The following ACSL6 variants were observed in gnomAD, a reference collection of about 807,000 sequenced individuals.
ACSL6 encodes the protein acyl-CoA synthetase long chain family member 6.
Under a neutral mutation model 98.2 loss-of-function variants are expected in ACSL6, and 47 were observed. The ratio of observed to expected loss-of-function variants is 0.48; its 90% CI spans 0.38 to 0.61. ACSL6 has a LOEUF of 0.61. Ranked by LOEUF, ACSL6 falls within the 20% of genes least tolerant of loss-of-function variation. The pLI, the probability that ACSL6 is intolerant of heterozygous loss-of-function variation, is 0.00. For missense variants in ACSL6, 761 were observed against 913.4 expected (o/e 0.83, Z 2.15); for synonymous variants, 362 against 336.9 (o/e 1.07, Z -0.82).
intron 2 of ACSL6, among the ~76,000 whole-genome samples, chr5:131,992,282 G>A (rs1414691778): frequency 6.6e-6 from 1 of 152,214 alleles, no homozygotes; most frequent in East Asian, 1.9e-4. Flanking sequence ...CTGGACTTGA[G>A]GTTGAGGGTA....
At chr5:131,988,999 C>T in intron 5 of ACSL6, 95 bp from the exon 6 acceptor site, 1 of 1,111,626 alleles carries the variant, frequency 9.0e-7, no homozygotes, top group East Asian at 2.4e-5. Context: ...TGCTCTAAGC[C>T]CTATGCCTGT....
At chr5:132,003,228 G>A (rs998393336) in intron 1 of ACSL6, among the ~76,000 whole-genome samples, 2 of 152,210 alleles carry the variant, frequency 1.3e-5, no homozygotes, top group African/African-American at 4.8e-5. Flanking sequence ...ATTTCCTCCA[G>A]TTTAGCAAAA....
In ACSL6 at chr5:131,990,856, A is replaced by G; in HGVS notation, c.382T>C (p.Ser128Pro). Residue 128 changes from serine to proline, a missense_variant, in exon 3 of 21, where the codon TCA becomes CCA. By Grantham distance (74) the Ser-to-Pro change is moderately conservative. Transcript: ENST00000651883. ...YQVFRRGLSISGNGPCLGFRK... is the reference protein window; with the variant it reads ...YQVFRRGLSIPGNGPCLGFRK... The stretch of plus-strand genomic sequence containing the variant: ...CCCCCCCCACAACCCTTCTCACCTG[A>G]GATGCTAAGCCCACGGCGGAACACC... The G allele has an allele frequency of 5.0e-6, 8 of 1,607,580 alleles. No individual in the cohort carries two copies. The highest frequency in any genetic ancestry group is 6.0e-6 in the Non-Finnish European group (7 of 1,175,272).
chr5:131,994,934 C>T (rs1307505329), intron 1 of ACSL6, among the ~76,000 whole-genome samples: 2 of 152,236 alleles, frequency 1.3e-5, no homozygotes, highest in Admixed American at 6.5e-5. Flanking sequence ...GGGCCCTGTG[C>T]TATCCTCCCT....
intron 8 of ACSL6, among the ~76,000 whole-genome samples, 168 bp downstream of exon 8, chr5:131,986,654 G>C (rs1324983592): frequency 6.6e-6 from 1 of 152,092 alleles, no homozygotes; most frequent in Non-Finnish European, 1.5e-5. Flanking sequence ...CCTTCCCTGG[G>C]CCCTCGGCCC....
upstream of ACSL6, chr5:132,011,875 G>A (rs1388929257): frequency 1.3e-6 from 2 of 1,531,058 alleles, no homozygotes; most frequent in Non-Finnish European, 1.8e-6. This position sits in a 1 kb window ranked among gnomAD's most constrained non-coding sequence, Gnocchi z 5.4. Context: ...GCCGCAGAGC[G>A]AACCAGCCCT....
upstream of ACSL6, chr5:132,012,017 C>G (rs987313503): frequency 2.8e-6 from 4 of 1,436,458 alleles, no homozygotes; most frequent in African/African-American, 5.8e-5. Context: ...AACACGCGAC[C>G]CTGCCCCCGC....
Position 131,958,451 on chromosome 5 carries a change from A to G in ACSL6, c.2031+1085T>C, listed in dbSNP as rs150036375. 1.0e-3 allele frequency among the ~76,000 whole-genome samples: 158 copies of G among 152,362 alleles called. 1 individual carries two copies. Among genetic ancestry groups the G allele is most frequent in the African/African-American group, 3.6e-3 (151 of 41,592 alleles). ...TTTGTCTTTTAGAAAGATAAATGTA[A>G]CTTGCCTGAATGCCTCAGATTCCAT... On this transcript the variant is annotated intron_variant, in intron 20 of 20. Transcript: ENST00000651883.
At position 131,988,757 on chromosome 5, in the gene ACSL6, G is replaced by C. The variant is rs370182586; in HGVS notation, c.652+48C>G. On this transcript the variant is annotated intron_variant, in intron 6 of 20. Transcript: ENST00000651883. ...ATAACCTGAGAAGCTGGAGGCTGGA[G>C]GCTGGGGACCAGTTGCCAGTGGCAG... 18 of 1,593,624 alleles carry C rather than the reference G, an allele frequency of 1.1e-5. No homozygotes were observed. The African/African-American group carries it at 2.1e-4, about 19-fold the overall frequency.
chr5:131,968,255 T>G, intron 15 of ACSL6: 1 of 490,488 alleles, frequency 2.0e-6, no homozygotes, highest in Non-Finnish European at 3.7e-6. Context: ...ATCCGATTCT[T>G]AATAAGCAGG....
intron 9 of ACSL6, chr5:131,983,267 T>A (rs554447796): frequency 6.6e-6 from 1 of 152,266 alleles, no homozygotes; most frequent in East Asian, 1.9e-4. Context: ...TGCCCACCCC[T>A]CAGCCATCAC....
intron 17 of ACSL6, among the ~76,000 whole-genome samples, chr5:131,964,657 G>C (rs1752912864): frequency 6.6e-6 from 1 of 152,210 alleles, no homozygotes; most frequent in South Asian, 2.1e-4. Flanking sequence ...GAAGTGCAGG[G>C]CCTTGGAAGG....
upstream of ACSL6, chr5:132,011,722 G>A: frequency 1.6e-6 from 2 of 1,275,148 alleles, no homozygotes; most frequent in South Asian, 3.4e-5. This position sits in a 1 kb window ranked among gnomAD's most constrained non-coding sequence, Gnocchi z 5.4. Flanking sequence ...CCGCTGCGGA[G>A]ACGGCTCAAG....
chr5:131,956,279 C>G (rs1236335367), intron 20 of ACSL6, among the ~76,000 whole-genome samples: 1 of 152,146 alleles, frequency 6.6e-6, no homozygotes, highest in East Asian at 1.9e-4. Context: ...ACATTATGAT[C>G]TTAGGAAGAA....
At chr5:131,985,502 G>A (rs774420568) in intron 8 of ACSL6, 44 bp from the exon 9 acceptor site, 128 of 1,607,716 alleles carry the variant, frequency 8.0e-5, no homozygotes, top group South Asian at 1.9e-4. Context: ...ACCCAGTGTG[G>A]CCAGCCAGGG....
chr5:131,970,122 T>A lies in ACSL6; in HGVS notation c.1507+6A>T, dbSNP rs770871461. The A allele has an allele frequency of 1.2e-6, 2 of 1,614,078 alleles. No homozygotes were observed. Among genetic ancestry groups the A allele is most frequent in the Non-Finnish European group, 1.7e-6 (2 of 1,179,968 alleles). Reference sequence around the variant, plus strand: ...GAGCCAGTCCTATATCTCTAGCCCATCCTACCTGAGGTCCAGTCGCCAGGA... The same window carrying A: ...GAGCCAGTCCTATATCTCTAGCCCAACCTACCTGAGGTCCAGTCGCCAGGA... On this transcript the variant is annotated splice_donor_region_variant and intron_variant, in intron 15 of 20. Transcript: ENST00000651883.
In ACSL6 at chr5:131,971,665, C is replaced by A. The variant is rs181615066; in HGVS notation, c.1339-20G>T. ...ACTGGCCTGTGGGAAGAAAGAAGAG[C>A]TGCCAAATTTTGTGATGTCTGAGAT... On this transcript the variant is annotated intron_variant, in intron 13 of 20. Coordinates refer to ENST00000651883, the MANE Select transcript of ACSL6 (RefSeq NM_001009185.3). 2 of 1,585,062 alleles carry A rather than the reference C, an allele frequency of 1.3e-6. No homozygotes were observed. The highest frequency in any genetic ancestry group is 1.8e-5 in the Admixed American group (1 of 56,846).
chr5:131,968,304 C>T (rs1337254825), intron 15 of ACSL6: 2 of 336,896 alleles, frequency 5.9e-6, no homozygotes, highest in Non-Finnish European at 1.1e-5. Flanking sequence ...GCACAGGGTC[C>T]TGGGTAGGGT....
rs922090576 is a variant in ACSL6 at position 132,011,408 on chromosome 5, C to A, written c.49+97G>T. On this transcript the variant is annotated intron_variant, in intron 1 of 20. Transcript: ENST00000651883. The surrounding 1 kb of genome is among the most constrained non-coding windows in gnomAD (Gnocchi z 5.4). Reference sequence around the variant, plus strand: ...ACAGCTCAGCAGCAGGGGATGGGGGCTCGGCGGCCGCGGAGATGTAACACC... The same window carrying A: ...ACAGCTCAGCAGCAGGGGATGGGGGATCGGCGGCCGCGGAGATGTAACACC... 72 of 1,337,872 alleles carry A rather than the reference C, an allele frequency of 5.4e-5. No individual in the cohort carries two copies. Among genetic ancestry groups the A allele is most frequent in the Non-Finnish European group, 7.3e-5 (69 of 941,092 alleles). 82.9% of individuals were successfully genotyped at this position (1,337,872 alleles called of 1,614,324 possible).
Sources: allele counts gnomAD v4.1 joint callset (sites outside exome capture counted in the v4.1 genomes callset), GRCh38; gene constraint gnomAD v4.1.1; non-coding constraint Gnocchi (gnomAD v3.1); transcripts MANE v1.5; gene names NCBI Gene and HGNC (gene_info 2026-07-23, HGNC 2026-07-21).